The following HAUS1 variants were observed in gnomAD, a reference collection of about 807,000 sequenced individuals.
HAUS1 encodes the protein HAUS augmin-like complex subunit 1.
A neutral mutation model predicts 38.6 loss-of-function variants in HAUS1; 25 were observed. That is an observed-to-expected ratio of 0.65 (90% CI 0.47 to 0.91). The LOEUF (loss-of-function observed/expected upper bound fraction) is 0.91, where lower values mean the gene tolerates loss of function less well. Ranked by LOEUF, HAUS1 falls within the 40% of genes least tolerant of loss-of-function variation. The pLI is 0.00. For synonymous variants in HAUS1, 109 were observed against 112.9 expected (o/e 0.97, Z 0.22); for missense variants, 325 against 328.4 (o/e 0.99, Z 0.08).
Position 46,125,768 on chromosome 18 carries a change from A to G in HAUS1, c.763A>G (p.Ile255Val), listed in dbSNP as rs369538326. ...MPNPSLAQVK[I>V]EEAKRELDSI... Reference sequence around the variant, plus strand: ...GAATCCGTCTCTTGCTCAAGTGAAAATTGAAGAAGCAAAGCGAGAACTAGT... The same window carrying G: ...GAATCCGTCTCTTGCTCAAGTGAAAGTTGAAGAAGCAAAGCGAGAACTAGT... Residue 255 changes from isoleucine to valine, a missense_variant, in exon 8 of 9, where the codon ATT (isoleucine) becomes GTT (valine). Transcript: ENST00000282058. 15 of 1,604,430 alleles carry G rather than the reference A, an allele frequency of 9.3e-6. No individual in the cohort carries two copies. In the Admixed American group the frequency reaches 1.0e-4, roughly 11 times the overall value.
chr18:46,119,962 C>T lies in HAUS1; in HGVS notation c.378C>T (p.Leu126=). 6.2e-7 allele frequency: 1 copy of T among 1,609,474 alleles called. No individual in the cohort carries two copies. The highest frequency in any genetic ancestry group is 8.5e-7 in the Non-Finnish European group (1 of 1,178,598). ...CAGTGAATGATTTGACCTCTGATCT[C>T]TTTCGTACCAAATCCAAAAGTGAAG... ...IPAVNDLTSD[L]FRTKSKSEEI... Residue 126 remains leucine (L), a synonymous_variant, in exon 4 of 9, where the codon CTC becomes CTT. Transcript: ENST00000282058.
chr18:46,116,155 G>C (rs897145020), intron 2 of HAUS1, among the ~76,000 whole-genome samples: 1 of 151,736 alleles, frequency 6.6e-6, no homozygotes, highest in Admixed American at 6.6e-5. Flanking sequence ...AGAAAGAAAG[G>C]GAAGAAAGGA....
At chr18:46,111,854 C>T (rs904359180) in intron 2 of HAUS1, among the ~76,000 whole-genome samples, 2 of 150,346 alleles carry the variant, frequency 1.3e-5, no homozygotes, top group African/African-American at 2.4e-5. Context: ...TTCCACATTT[C>T]TCTGTGGCTC....
chr18:46,105,068 T>G, intron 1 of HAUS1, 126 bp from the exon 2 acceptor site: 1 of 583,546 alleles, frequency 1.7e-6, no homozygotes, highest in South Asian at 3.1e-5. Context: ...AGTGAGGTTG[T>G]GAAGTAGGAC....
intron 4 of HAUS1, among the ~76,000 whole-genome samples, chr18:46,120,805 C>T (rs1202381620): frequency 2.0e-5 from 3 of 152,066 alleles, no homozygotes; most frequent in Admixed American, 6.6e-5. Flanking sequence ...AGGCTGGTCT[C>T]GAACTCCTGA....
At position 46,111,510 on chromosome 18, in the gene HAUS1, C is replaced by T. The variant is rs145867624; in HGVS notation, c.205+6142C>T. On this transcript the variant is annotated intron_variant, in intron 2 of 8. Coordinates refer to ENST00000282058, the MANE Select transcript of HAUS1 (RefSeq NM_138443.4). ...CTAATTTTTGTATTTTTAGTAGAGA[C>T]GGGGTTTCGCCATGTTGGCCAGACT... is the stretch of plus-strand genomic sequence containing the variant. Among the ~76,000 whole-genome samples the T allele has an allele frequency of 7.7e-3, 1,170 of 152,152 alleles. 6 individuals are homozygous for T. Among genetic ancestry groups the T allele is most frequent in the Middle Eastern group, 0.014 (4 of 292 alleles).
intron 5 of HAUS1, among the ~76,000 whole-genome samples, chr18:46,122,950 C>T (rs755518669): frequency 3.2e-4 from 48 of 152,266 alleles, no homozygotes; most frequent in Non-Finnish European, 4.3e-4. Flanking sequence ...CGGTGGCTCA[C>T]GCCTGTAATC....
Position 46,128,082 on chromosome 18 carries a change from T to C in HAUS1, c.794T>C (p.Ile265Thr), listed in dbSNP as rs1475704093. The C allele has an allele frequency of 1.3e-6, 2 of 1,581,444 alleles. No individual in the cohort carries two copies. Among genetic ancestry groups the C allele is most frequent in the Non-Finnish European group, 1.7e-6 (2 of 1,165,162 alleles). ...IEEAKRELDS[I>T]EAELTRRVDM... Reference sequence around the variant, plus strand: ...ATGTCTTTCTTCCTGTAGGATAGCATTGAAGCTGAACTTACAAGAAGAGTA... The same window carrying C: ...ATGTCTTTCTTCCTGTAGGATAGCACTGAAGCTGAACTTACAAGAAGAGTA... Residue 265 changes from isoleucine to threonine, a missense_variant, in exon 9 of 9, where the codon ATT (isoleucine) becomes ACT (threonine). By Grantham distance (89) the Ile-to-Thr change is moderately conservative. Transcript: ENST00000282058.
intron 2 of HAUS1, among the ~76,000 whole-genome samples, chr18:46,109,165 T>G (rs1911555691): frequency 6.7e-6 from 1 of 149,746 alleles, no homozygotes. Context: ...TGGTTGAAGG[T>G]GAAGGGGAAG....
chr18:46,115,988 C>T (rs1382713867), intron 2 of HAUS1, among the ~76,000 whole-genome samples: 1 of 151,954 alleles, frequency 6.6e-6, no homozygotes, highest in Non-Finnish European at 1.5e-5. Flanking sequence ...TGCCTGTAAT[C>T]CCATCTACTT....
chr18:46,121,825 A>C (rs1454320769), intron 4 of HAUS1: 1 of 151,912 alleles, frequency 6.6e-6, no homozygotes, highest in African/African-American at 2.4e-5. Context: ...CTGTCTCTAC[A>C]AAAAAATTAT....
chr18:46,105,544 ATATGTATGTG>A lies in HAUS1; in HGVS notation c.205+178_205+187del, dbSNP rs760897312. ...TATTGTTTTATGTTTATATATATGT[ATATGTATGTG>A]TGTGTGTGTGTGTGTGTGTGTGTGT... On this transcript the variant is annotated intron_variant, in intron 2 of 8. Coordinates refer to ENST00000282058, the MANE Select transcript of HAUS1 (RefSeq NM_138443.4). The A allele has an allele frequency of 5.0e-5, 25 of 500,930 alleles. No individual in the cohort carries two copies. In the South Asian group the frequency reaches 5.6e-4, roughly 11 times the overall value. The allele number at this position is 500,930 out of a possible 1,614,324, so 31.0% of individuals were successfully genotyped here.
rs998058158 is a variant in HAUS1, at chr18:46,108,988, A to G, written c.205+3620A>G. On this transcript the variant is annotated intron_variant, in intron 2 of 8. Transcript: ENST00000282058. ...TGGGAGGCTGAGGCAGGAGAATGGC[A>G]TGAACCTGGGAGGTGGAGCTTGCAG... Among the ~76,000 whole-genome samples the G allele has an allele frequency of 7.3e-5, 11 of 151,282 alleles. No homozygotes were observed. In the South Asian group the frequency reaches 1.0e-3, roughly 14 times the overall value.
At position 46,105,375 on chromosome 18, in the gene HAUS1, T is replaced by A; in HGVS notation, c.205+7T>A. The A allele has an allele frequency of 6.2e-7, 1 of 1,607,706 alleles. No individual in the cohort carries two copies. The highest frequency in any genetic ancestry group is 8.5e-7 in the Non-Finnish European group (1 of 1,176,278). Reference sequence around the variant, plus strand: ...AGTGAATACGAGTCAGAAGGTGAGATTAAGTCCAGAGTTTTGAACGAGAAT... The same window carrying A: ...AGTGAATACGAGTCAGAAGGTGAGAATAAGTCCAGAGTTTTGAACGAGAAT... On this transcript the variant is annotated splice_region_variant and intron_variant, in intron 2 of 8. Coordinates refer to ENST00000282058, the MANE Select transcript of HAUS1 (RefSeq NM_138443.4).
chr18:46,114,627 G>A (rs532674501), intron 2 of HAUS1, among the ~76,000 whole-genome samples: 5 of 152,108 alleles, frequency 3.3e-5, no homozygotes, highest in East Asian at 1.9e-4. Context: ...ACCACATCCC[G>A]CTGGGACTTG....
chr18:46,121,253 G>C (rs113435473), intron 4 of HAUS1, among the ~76,000 whole-genome samples: 1 of 151,814 alleles, frequency 6.6e-6, no homozygotes, highest in African/African-American at 2.4e-5. Flanking sequence ...GCAATGGCGC[G>C]ATCTCAGCTC....
intron 7 of HAUS1, among the ~76,000 whole-genome samples, chr18:46,125,358 G>A (rs776037874): frequency 1.6e-4 from 24 of 151,912 alleles, no homozygotes; most frequent in Non-Finnish European, 2.8e-4. Context: ...AGACCAGCCT[G>A]ACCAACATGG....
chr18:46,122,606 C>T lies in HAUS1; in HGVS notation c.600+16C>T, dbSNP rs750637419. 3.1e-6 allele frequency: 5 copies of T among 1,613,614 alleles called. No individual in the cohort carries two copies. The highest frequency in any genetic ancestry group is 1.7e-4 in the Middle Eastern group (1 of 6,058). Reference sequence around the variant, plus strand: ...GGCTGCAGAGGTTTGTATGAAGGACCGAATATAGTTAGCTCTCTTCGGCCT... The same window carrying T: ...GGCTGCAGAGGTTTGTATGAAGGACTGAATATAGTTAGCTCTCTTCGGCCT... On this transcript the variant is annotated intron_variant, in intron 5 of 8. Transcript: ENST00000282058.
At chr18:46,122,383 A>G (rs1911967300) in intron 4 of HAUS1, 84 bp from the exon 5 acceptor site, 1 of 1,414,350 alleles carries the variant, frequency 7.1e-7, no homozygotes, top group Non-Finnish European at 9.9e-7. Flanking sequence ...CCAGCATTGA[A>G]TCCAAAAGTA....
Sources: gnomAD v4.1 joint callset for allele counts (sites outside exome capture counted in the v4.1 genomes callset) on GRCh38, gnomAD v4.1.1 for gene constraint, MANE v1.5 for transcripts, NCBI Gene and HGNC (gene_info 2026-07-23, HGNC 2026-07-21) for gene names.